Variants in DPP6 observed in about 807,000 individuals in gnomAD.
DPP6 encodes the protein dipeptidyl peptidase like 6.
A neutral mutation model predicts 122.6 loss-of-function variants in DPP6; 69 were observed. The ratio of observed to expected loss-of-function variants is 0.56; its 90% CI spans 0.46 to 0.69. The LOEUF is 0.69. DPP6 is among the 30% of genes least tolerant of loss of function. The pLI is 0.00. For missense variants in DPP6, 928 were observed against 1,116.9 expected (o/e 0.83, Z 2.41); for synonymous variants, 418 against 433.1 (o/e 0.97, Z 0.43).
At chr7:154,782,718 A>C (rs549925106) in intron 10 of DPP6, among the ~76,000 whole-genome samples, 80 of 151,524 alleles carry the variant, frequency 5.3e-4, no homozygotes, top group African/African-American at 1.9e-3. Context: ...GCTTGTCCCC[A>C]CCCCCAGAGT....
At chr7:154,780,484 G>A (rs1563203021) in intron 10 of DPP6, among the ~76,000 whole-genome samples, 1 of 152,198 alleles carries the variant, frequency 6.6e-6, no homozygotes, top group Non-Finnish European at 1.5e-5. Flanking sequence ...AATAAAATGG[G>A]ATTCTGCGTC....
At chr7:154,261,287 T>C (rs1803000915) in intron 1 of DPP6, among the ~76,000 whole-genome samples, 1 of 152,194 alleles carries the variant, frequency 6.6e-6, no homozygotes. Context: ...TATTCCCAGT[T>C]CACTGCATGC....
chr7:154,483,289 GCC>G lies in DPP6; in HGVS notation c.457+8255_457+8256del, dbSNP rs931606150. ...GCCACGCACCTCTTCCTGGCTCACA[GCC>G]CCAGGGACGTGTTTGTGTAGACAAT... On this transcript the variant is annotated intron_variant, in intron 3 of 25. Coordinates refer to ENST00000377770, the MANE Select transcript of DPP6 (RefSeq NM_130797.4). The surrounding 1 kb of genome is among the most constrained non-coding windows in gnomAD (Gnocchi z 8.1). Among the ~76,000 whole-genome samples the G allele has an allele frequency of 6.6e-6, 1 of 152,200 alleles. No homozygotes were observed. The highest frequency in any genetic ancestry group is 1.5e-5 in the Non-Finnish European group (1 of 68,046).
chr7:153,901,762 T>C (rs554117726), intron 1 of DPP6, among the ~76,000 whole-genome samples: 1 of 152,228 alleles, frequency 6.6e-6, no homozygotes, highest in Non-Finnish European at 1.5e-5. Context: ...ATGCTGACTC[T>C]TTACAGACAG....
At chr7:154,278,895 A>G (rs113497364) in intron 1 of DPP6, among the ~76,000 whole-genome samples, 15 of 146,582 alleles carry the variant, frequency 1.0e-4, no homozygotes, top group African/African-American at 3.5e-4. Context: ...ATGTGTGTAT[A>G]TGTGTGTGCA....
chr7:154,014,501 A>T (rs1368830312), intron 1 of DPP6, among the ~76,000 whole-genome samples: 1 of 151,218 alleles, frequency 6.6e-6, no homozygotes, highest in Non-Finnish European at 1.5e-5. Flanking sequence ...CTAAAAATAC[A>T]AAAATTAACC....
rs1806694818 is a variant in DPP6, at chr7:154,892,425, G to C, written c.2543G>C (p.Arg848Thr). The change falls in exon 26 of 26, where the codon AGG becomes ACG. Residue 848 changes from arginine (R) to threonine (T), a missense_variant. Transcript: ENST00000377770. ...SIINFFVECF[R>T]IQDKLLTVTA... ...ATCAACTTCTTCGTGGAATGCTTCA[G>C]GATCCAGGACAAACTGCTGACAGTC... The C allele has an allele frequency of 6.2e-7, 1 of 1,614,032 alleles. No individual in the cohort carries two copies. The highest frequency in any genetic ancestry group is 1.1e-5 in the South Asian group (1 of 91,086).
intron 1 of DPP6, among the ~76,000 whole-genome samples, chr7:153,949,464 TGATG>T (rs1292963653): frequency 6.6e-6 from 1 of 152,172 alleles, no homozygotes; most frequent in African/African-American, 2.4e-5. Context: ...AGAGGCTGCC[TGATG>T]ATTCCGAGAT....
upstream of DPP6, chr7:153,886,952 G>A (rs1798945275): frequency 6.6e-6 from 1 of 152,230 alleles, no homozygotes. Flanking sequence ...TGGAAGCCGA[G>A]CGTGCGTGCG....
At chr7:154,594,939 G>T (rs566645305) in intron 5 of DPP6, among the ~76,000 whole-genome samples, 2 of 152,158 alleles carry the variant, frequency 1.3e-5, no homozygotes, top group African/African-American at 4.8e-5. Context: ...CAGGCCAGGG[G>T]CCAGGGTGTG....
chr7:154,641,018 C>CA (rs1298306363), intron 6 of DPP6, among the ~76,000 whole-genome samples: 1 of 152,104 alleles, frequency 6.6e-6, no homozygotes, highest in Non-Finnish European at 1.5e-5. Context: ...TTAATGTTCT[C>CA]ATGCCCTCTG....
intron 1 of DPP6, among the ~76,000 whole-genome samples, chr7:154,078,633 A>C (rs1225336004): frequency 6.6e-6 from 1 of 152,118 alleles, no homozygotes; most frequent in Non-Finnish European, 1.5e-5. Flanking sequence ...ATAAATTAAG[A>C]CTATTTGGAG....
At chr7:154,122,959 C>T (rs567389470) in intron 1 of DPP6, among the ~76,000 whole-genome samples, 4 of 152,160 alleles carry the variant, frequency 2.6e-5, no homozygotes, top group East Asian at 3.9e-4. Flanking sequence ...TACCAGCAGC[C>T]GTGGAGTGGA....
chr7:154,067,913 T>TG (rs1585305118), intron 1 of DPP6, among the ~76,000 whole-genome samples: 5 of 146,414 alleles, frequency 3.4e-5, no homozygotes, highest in South Asian at 2.1e-4. Context: ...TTTTGTTTTT[T>TG]TTTTGTTTGT....
upstream of DPP6, among the ~76,000 whole-genome samples, chr7:154,050,943 C>T (rs187855706): frequency 2.7e-5 from 4 of 149,430 alleles, no homozygotes; most frequent in Non-Finnish European, 5.9e-5. Flanking sequence ...GTGGAAGGGA[C>T]TGAAGGAGGT....
chr7:154,377,395 A>C lies in DPP6; in HGVS notation c.244-68819A>C, dbSNP rs563063954. Among the ~76,000 whole-genome samples the C allele has an allele frequency of 3.3e-5, 5 of 152,298 alleles. No individual in the cohort carries two copies. In the South Asian group the frequency reaches 1.0e-3, roughly 32 times the overall value. ...AGTGAGGCAGGACCAGTATCGTACC[A>C]GTGCTAAGATAAAAGCCCAAGCAGT... is the stretch of plus-strand genomic sequence containing the variant. On this transcript the variant is annotated intron_variant, in intron 1 of 25. Transcript: ENST00000377770.
At chr7:154,803,558 C>T (rs1274729548) in intron 13 of DPP6, among the ~76,000 whole-genome samples, 3 of 152,220 alleles carry the variant, frequency 2.0e-5, no homozygotes, top group Non-Finnish European at 4.4e-5. Flanking sequence ...ATTGATTCTC[C>T]TCCTGAGATG....
At chr7:154,866,125 G>A (rs1803854290) in intron 17 of DPP6, among the ~76,000 whole-genome samples, 1 of 152,218 alleles carries the variant, frequency 6.6e-6, no homozygotes, top group South Asian at 2.1e-4. Context: ...AGCTAGCAAG[G>A]AAGATTTCAA....
rs1161349008 is a variant in DPP6 at position 153,991,855 on chromosome 7, C to T, written c.51+104121C>T. On this transcript the variant is annotated intron_variant, in intron 1 of 25. Coordinates refer to the DPP6 transcript ENST00000404039. The stretch of plus-strand genomic sequence containing the variant: ...CTCTCCATCTTTAACTTATTACACT[C>T]CCTGTCTTAGTCCCTTTGTGTTGCT... Among the ~76,000 whole-genome samples the T allele has an allele frequency of 8.6e-5, 13 of 151,946 alleles. No homozygotes were observed. The South Asian group carries it at 2.7e-3, about 32-fold the overall frequency.
Sources: allele counts gnomAD v4.1 joint callset (sites outside exome capture counted in the v4.1 genomes callset), GRCh38; gene constraint gnomAD v4.1.1; non-coding constraint Gnocchi (gnomAD v3.1); transcripts MANE v1.5; gene names NCBI Gene and HGNC (gene_info 2026-07-23, HGNC 2026-07-21).